The following KIAA1217 variants were observed in gnomAD, a reference collection of about 807,000 sequenced individuals.
The protein encoded by KIAA1217 is KIAA1217, also known as sickle tail protein homolog.
Under a neutral mutation model 163.9 loss-of-function variants are expected in KIAA1217, and 88 were observed. The observed-to-expected ratio is 0.54, with a 90% CI of 0.45 to 0.64. The LOEUF (loss-of-function observed/expected upper bound fraction) is 0.64. KIAA1217 is among the 30% of genes least tolerant of loss of function. KIAA1217 has a pLI of 0.00. For missense variants in KIAA1217, 2,372 were observed against 2,475.0 expected, an observed-to-expected ratio of 0.96 and a Z score of 0.88; for synonymous variants, 903 against 923.1, an observed-to-expected ratio of 0.98 and a Z score of 0.39.
chr10:24,362,379 T>A (rs1388450035), intron 2 of KIAA1217, among the ~76,000 whole-genome samples: 1 of 152,138 alleles, frequency 6.6e-6, no homozygotes, highest in Non-Finnish European at 1.5e-5. Flanking sequence ...ATACTAAACA[T>A]TCTCCACTGG....
chr10:24,412,003 C>T (rs913816493), intron 3 of KIAA1217, among the ~76,000 whole-genome samples: 1 of 151,962 alleles, frequency 6.6e-6, no homozygotes, highest in Non-Finnish European at 1.5e-5. Context: ...TAGAGCATCG[C>T]CGAGGGTGGG....
In KIAA1217 at chr10:24,432,271, C is replaced by A. The variant is rs182742478; in HGVS notation, c.554-724C>A. ...TAGCTGGGATTACAGGCATGTGCCA[C>A]CACACCCAGCTAATTTTTGTATTTT... is the stretch of plus-strand genomic sequence containing the variant. On this transcript the variant is annotated intron_variant, in intron 3 of 20. Coordinates refer to ENST00000376454, the MANE Select transcript of KIAA1217 (RefSeq NM_019590.5). Among the ~76,000 whole-genome samples, 65 of 151,964 alleles carry A rather than the reference C, an allele frequency of 4.3e-4. 1 individual carries two copies. The highest frequency in any genetic ancestry group is 1.4e-3 in the African/African-American group (60 of 41,444).
intron 2 of KIAA1217, among the ~76,000 whole-genome samples, chr10:24,072,493 A>T (rs1420355385): frequency 6.6e-6 from 1 of 152,202 alleles, no homozygotes; most frequent in Non-Finnish European, 1.5e-5. Context: ...AATAAGCATG[A>T]TTATTTTCAG....
chr10:24,019,487 A>G lies in KIAA1217; in HGVS notation c.-171+12113A>G, dbSNP rs146144593. ...AATTGTGAAAGAAGCATTTGAAGAA[A>G]AAGAAAATATAGTGGGGAAGATAGA... On this transcript the variant is annotated intron_variant, in intron 2 of 18. Coordinates refer to the KIAA1217 transcript ENST00000376462. 6.3e-4 allele frequency among the ~76,000 whole-genome samples: 96 copies of G among 152,176 alleles called. No individual in the cohort carries two copies. In the East Asian group the frequency reaches 0.015, roughly 24 times the overall value.
At chr10:24,271,387 C>T (rs2076754904) in intron 2 of KIAA1217, among the ~76,000 whole-genome samples, 2 of 152,072 alleles carry the variant, frequency 1.3e-5, no homozygotes, top group Non-Finnish European at 2.9e-5. Context: ...GATTCCACAT[C>T]ATAAGTGCTA....
intron 1 of KIAA1217, among the ~76,000 whole-genome samples, chr10:23,827,503 G>C (rs964354024): frequency 6.6e-5 from 10 of 152,130 alleles, no homozygotes; most frequent in Admixed American, 1.3e-4. Flanking sequence ...CATTCTTAAT[G>C]CTTCCTTCTT....
At chr10:23,856,784 G>A (rs1044238162) in intron 1 of KIAA1217, among the ~76,000 whole-genome samples, 3 of 152,238 alleles carry the variant, frequency 2.0e-5, no homozygotes, top group South Asian at 2.1e-4. Flanking sequence ...AGCAATCAGC[G>A]AGATTCTGTG....
intron 1 of KIAA1217, among the ~76,000 whole-genome samples, chr10:23,992,740 C>A (rs183379855): frequency 1.3e-5 from 2 of 151,522 alleles, no homozygotes; most frequent in Non-Finnish European, 1.5e-5. Context: ...AAGTGGCATG[C>A]CTGTTGGCCC....
intron 6 of KIAA1217, among the ~76,000 whole-genome samples, chr10:24,491,476 G>A (rs2066139647): frequency 6.6e-6 from 1 of 151,898 alleles, no homozygotes; most frequent in Admixed American, 6.6e-5. Context: ...TTTTAGTAGA[G>A]ACGGGATTTC....
intron 2 of KIAA1217, among the ~76,000 whole-genome samples, chr10:24,303,254 G>A (rs917093952): frequency 9.9e-5 from 15 of 151,974 alleles, no homozygotes; most frequent in African/African-American, 3.4e-4. Context: ...GGCCTCAAGC[G>A]ATCCTCCTGC....
intron 3 of KIAA1217, among the ~76,000 whole-genome samples, chr10:24,403,697 A>G (rs1285844021): frequency 6.6e-6 from 1 of 152,234 alleles, no homozygotes. Context: ...TGAACTACAG[A>G]AAGAGACATT....
rs1047982182 is a variant in KIAA1217 at position 24,514,582 on chromosome 10, C to T, written c.2177+1148C>T. Among the ~76,000 whole-genome samples the T allele has an allele frequency of 3.3e-5, 5 of 152,170 alleles. 1 individual carries two copies. The highest frequency in any genetic ancestry group is 2.6e-4 in the Admixed American group (4 of 15,278). On this transcript the variant is annotated intron_variant, in intron 10 of 20. Transcript: ENST00000376454. Reference sequence around the variant, plus strand: ...TCTACTTAGTTCACACATTTATAGACAGAGTTAATCACCCACCATGAGTTG... The same window carrying T: ...TCTACTTAGTTCACACATTTATAGATAGAGTTAATCACCCACCATGAGTTG...
At chr10:23,888,900 G>T (rs1374179680) in intron 1 of KIAA1217, among the ~76,000 whole-genome samples, 1 of 151,758 alleles carries the variant, frequency 6.6e-6, no homozygotes, top group Non-Finnish European at 1.5e-5. Context: ...TAGCACTAGT[G>T]ATTAGTTTTC....
intron 2 of KIAA1217, among the ~76,000 whole-genome samples, chr10:24,022,325 T>TA (rs1184198972): frequency 6.6e-5 from 10 of 151,798 alleles, no homozygotes; most frequent in African/African-American, 2.2e-4. Flanking sequence ...CTAAAGAAGA[T>TA]ATACAGATGG....
At chr10:23,894,840 A>G (rs1300141950) in intron 1 of KIAA1217, among the ~76,000 whole-genome samples, 1 of 151,688 alleles carries the variant, frequency 6.6e-6, no homozygotes, top group African/African-American at 2.4e-5. Context: ...AACACCACAT[A>G]TCTACAACTA....
At chr10:24,266,152 C>A (rs958876916) in intron 2 of KIAA1217, among the ~76,000 whole-genome samples, 3 of 150,792 alleles carry the variant, frequency 2.0e-5, no homozygotes, top group Non-Finnish European at 2.9e-5. Flanking sequence ...AATCTTAGCT[C>A]ACTGCAACCT....
intron 1 of KIAA1217, among the ~76,000 whole-genome samples, chr10:23,771,766 CTT>C (rs1459349389): frequency 1.3e-5 from 2 of 152,290 alleles, no homozygotes; most frequent in Non-Finnish European, 2.9e-5. Context: ...GCACATATCA[CTT>C]TTGACTCAGC....
intron 1 of KIAA1217, among the ~76,000 whole-genome samples, chr10:23,743,126 T>C (rs1206527770): frequency 6.6e-6 from 1 of 152,060 alleles, no homozygotes; most frequent in Non-Finnish European, 1.5e-5. Flanking sequence ...GCAAGATGAT[T>C]TTGGCATCAT....
intron 1 of KIAA1217, among the ~76,000 whole-genome samples, chr10:23,906,908 G>A (rs935567123): frequency 1.3e-5 from 2 of 152,054 alleles, no homozygotes; most frequent in African/African-American, 4.8e-5. Flanking sequence ...TTTTGAGAAT[G>A]CTTGGAATTC....
Sources: allele counts gnomAD v4.1 joint callset (sites outside exome capture counted in the v4.1 genomes callset), GRCh38; gene constraint gnomAD v4.1.1; transcripts MANE v1.5; gene names NCBI Gene and HGNC (gene_info 2026-07-23, HGNC 2026-07-21).